Variants in DPH6 observed in about 807,000 individuals in gnomAD.
DPH6 encodes the protein diphthine--ammonia ligase.
DPH6 carries 33 observed loss-of-function variants against 38.2 expected under a neutral mutation model. The ratio of observed to expected loss-of-function variants is 0.86; its 90% CI spans 0.65 to 1.15. DPH6 has a LOEUF of 1.15. Ranked by LOEUF, DPH6 falls within the 50% of genes most tolerant of loss-of-function variation. The pLI is 0.00. For missense variants in DPH6, 325 were observed against 320.0 expected, an observed-to-expected ratio of 1.02 and a Z score of -0.12; for synonymous variants, 108 against 103.0, an observed-to-expected ratio of 1.05 and a Z score of -0.30.
chr15:35,203,006 A>G, the DPH6 span, among the ~76,000 whole-genome samples: 1 of 151,796 alleles, frequency 6.6e-6, no homozygotes, highest in Non-Finnish European at 1.5e-5. Flanking sequence ...AGGGAAAAAG[A>G]AGTCTAAAAA....
intron 3 of DPH6, among the ~76,000 whole-genome samples, chr15:35,499,389 T>C (rs1037444226): frequency 1.3e-4 from 20 of 152,114 alleles, no homozygotes; most frequent in African/African-American, 4.1e-4. Context: ...AAATGCATTA[T>C]TGGGCTGGTA....
At position 35,516,357 on chromosome 15, in the gene DPH6, A is replaced by T. The variant is rs555790982; in HGVS notation, c.312+21917T>A. Among the ~76,000 whole-genome samples the T allele has an allele frequency of 8.5e-5, 13 of 152,298 alleles. No individual in the cohort carries two copies. The South Asian group carries it at 2.7e-3, about 32-fold the overall frequency. On this transcript the variant is annotated intron_variant, in intron 3 of 8. Transcript: ENST00000256538. ...TTTTTCTAGTGACAAGTAAGTATGT[A>T]ATAGTTAATATTTATTGATGCTTCC... is the stretch of plus-strand genomic sequence containing the variant.
At chr15:35,488,279 A>G (rs1210264088) in intron 3 of DPH6, among the ~76,000 whole-genome samples, 1 of 151,928 alleles carries the variant, frequency 6.6e-6, no homozygotes, top group African/African-American at 2.4e-5. Flanking sequence ...CTACTTCCAC[A>G]TTTTCAGTTA....
At chr15:35,407,180 C>T (rs77040916) in intron 6 of DPH6, among the ~76,000 whole-genome samples, 3,891 of 152,010 alleles carry the variant, frequency 0.026, 77 homozygotes, top group African/African-American at 0.056. Context: ...AGAATTACCT[C>T]GTGCTTGTTT....
At chr15:35,145,102 T>C in the DPH6 span, among the ~76,000 whole-genome samples, 8 of 152,064 alleles carry the variant, frequency 5.3e-5, no homozygotes, top group Non-Finnish European at 1.2e-4. Flanking sequence ...GATTATTGAT[T>C]AAAATAAGTA....
chr15:35,191,158 T>C, the DPH6 span, among the ~76,000 whole-genome samples: 4 of 152,270 alleles, frequency 2.6e-5, no homozygotes, highest in East Asian at 5.8e-4. Context: ...CAAACAGAAA[T>C]ATAGATTCAA....
intron 3 of DPH6, among the ~76,000 whole-genome samples, chr15:35,526,590 T>C (rs1445785961): frequency 6.6e-6 from 1 of 152,180 alleles, no homozygotes; most frequent in East Asian, 1.9e-4. Context: ...GGCCCCATTC[T>C]ACTGCCTCTG....
At chr15:35,375,275 C>T (rs903235396) in intron 7 of DPH6, among the ~76,000 whole-genome samples, 7 of 152,034 alleles carry the variant, frequency 4.6e-5, no homozygotes, top group Admixed American at 6.6e-5. Flanking sequence ...ATTCTGAGCA[C>T]TAAATGAAGA....
intron 3 of DPH6, among the ~76,000 whole-genome samples, chr15:35,331,744 A>C (rs924544695): frequency 2.6e-5 from 4 of 152,186 alleles, no homozygotes. Context: ...ACTCTGTAGA[A>C]TGTGCCCTAA....
At chr15:35,194,803 T>C in the DPH6 span, among the ~76,000 whole-genome samples, 15 of 152,352 alleles carry the variant, frequency 9.8e-5, no homozygotes, top group African/African-American at 2.9e-4. Context: ...AACAACTTTT[T>C]ATTGATTCAT....
In DPH6 at chr15:35,426,187, C is replaced by T. The variant is rs368869852; in HGVS notation, c.506-15291G>A. 1.5e-4 allele frequency among the ~76,000 whole-genome samples: 23 copies of T among 151,442 alleles called. 4 individuals are homozygous for T. The highest frequency in any genetic ancestry group is 9.7e-4 in the East Asian group (5 of 5,166). On this transcript the variant is annotated intron_variant, in intron 5 of 8. Transcript: ENST00000256538. ...TGGGAGTTTTGAAAGTTTCAACTTT[C>T]GATGTTTCAATACTTCAGTTATAAA...
At chr15:35,193,195 TAAC>T in the DPH6 span, among the ~76,000 whole-genome samples, 2 of 151,972 alleles carry the variant, frequency 1.3e-5, no homozygotes, top group Non-Finnish European at 2.9e-5. Context: ...GTATGGGAAA[TAAC>T]AACATCAAAA....
the DPH6 span, among the ~76,000 whole-genome samples, chr15:35,167,655 CAGAT>C: frequency 2.0e-5 from 3 of 150,978 alleles, no homozygotes; most frequent in African/African-American, 4.9e-5. Context: ...TAAGGTTAGA[CAGAT>C]AGTTTAATAG....
chr15:35,215,151 A>G (rs1409325435), downstream of DPH6, among the ~76,000 whole-genome samples: 2 of 152,200 alleles, frequency 1.3e-5, no homozygotes, highest in African/African-American at 4.8e-5. Flanking sequence ...CAGTTGACTT[A>G]CCTACCAAGT....
intron 3 of DPH6, among the ~76,000 whole-genome samples, chr15:35,493,677 A>G (rs1284788489): frequency 6.6e-6 from 1 of 152,114 alleles, no homozygotes; most frequent in Admixed American, 6.6e-5. Context: ...TCTTCATTAT[A>G]TCTAATTTCA....
intron 5 of DPH6, among the ~76,000 whole-genome samples, chr15:35,416,561 C>T (rs1406286665): frequency 6.6e-6 from 1 of 152,022 alleles, no homozygotes; most frequent in Non-Finnish European, 1.5e-5. Flanking sequence ...GATTTTTATA[C>T]TTTAATTCAA....
the DPH6 span, among the ~76,000 whole-genome samples, chr15:35,152,841 T>C: frequency 6.6e-6 from 1 of 152,164 alleles, no homozygotes. Context: ...AAGTTAGAAA[T>C]AACGGGCTTT....
At chr15:35,296,962 TC>T (rs2052020157) in intron 3 of DPH6, among the ~76,000 whole-genome samples, 1 of 152,092 alleles carries the variant, frequency 6.6e-6, no homozygotes, top group African/African-American at 2.4e-5. Context: ...TGGCCTGGCT[TC>T]TTATTCCACA....
At chr15:35,332,775 ATTG>A in intron 3 of DPH6, among the ~76,000 whole-genome samples, 1 of 152,252 alleles carries the variant, frequency 6.6e-6, no homozygotes, top group East Asian at 1.9e-4. Context: ...AGTTAATGTT[ATTG>A]TTAAATTACG....
Sources: allele counts gnomAD v4.1 joint callset (sites outside exome capture counted in the v4.1 genomes callset), GRCh38; gene constraint gnomAD v4.1.1; transcripts MANE v1.5; gene names NCBI Gene and HGNC (gene_info 2026-07-23, HGNC 2026-07-21).